AKAP9: variants seen among roughly 807,000 people sequenced by gnomAD.
AKAP9 encodes A-kinase anchoring protein 9.
AKAP9 carries 311 observed loss-of-function variants against 488.5 expected under a neutral mutation model. The ratio of observed to expected loss-of-function variants is 0.64; its 90% CI spans 0.58 to 0.70. AKAP9 has a LOEUF of 0.70. Ranked by LOEUF, AKAP9 falls within the 30% of genes least tolerant of loss-of-function variation. The probability of loss-of-function intolerance (pLI) is 0.00; values close to 1 mark genes in which losing one functional copy is unlikely to be tolerated. For missense variants in AKAP9, 4,215 were observed against 4,374.5 expected, an observed-to-expected ratio of 0.96 and a Z score of 1.03; for synonymous variants, 1,462 against 1,483.5, an observed-to-expected ratio of 0.99 and a Z score of 0.33.
chr7:91,954,725 C>T (rs1470489070), intron 1 of AKAP9, among the ~76,000 whole-genome samples: 1 of 152,154 alleles, frequency 6.6e-6, no homozygotes, highest in Non-Finnish European at 1.5e-5. Context: ...TTGATGCCTA[C>T]ATTACATCCC....
chr7:91,970,513 G>C (rs757785290), intron 1 of AKAP9: 2 of 456,208 alleles, frequency 4.4e-6, no homozygotes, highest in South Asian at 3.1e-5. Context: ...AGACAGGTAT[G>C]TGTTAGTGAA....
At chr7:91,993,127 T>A in intron 5 of AKAP9, 72 bp downstream of exon 5, 7 of 1,517,324 alleles carry the variant, frequency 4.6e-6, no homozygotes, top group Non-Finnish European at 6.3e-6. Context: ...ATAATAGTAG[T>A]CTTTAAAGAT....
chr7:91,976,074 C>T (rs1329348101), intron 2 of AKAP9, among the ~76,000 whole-genome samples: 2 of 151,464 alleles, frequency 1.3e-5, no homozygotes, highest in African/African-American at 4.8e-5. Flanking sequence ...GATTGTGAGC[C>T]ATCACGCCCA....
intron 16 of AKAP9, among the ~76,000 whole-genome samples, chr7:92,037,490 C>T (rs1387264011): frequency 6.6e-6 from 1 of 152,158 alleles, no homozygotes; most frequent in African/African-American, 2.4e-5. Context: ...TTATTACAGC[C>T]AGCCTTCTTT....
intron 37 of AKAP9, 65 bp downstream of exon 37, chr7:92,086,481 G>C: frequency 7.4e-7 from 1 of 1,345,162 alleles, no homozygotes; most frequent in South Asian, 1.2e-5. Flanking sequence ...TGATTTTAGA[G>C]TCTTAATTTA....
chr7:92,031,698 T>A, intron 16 of AKAP9, 94 bp downstream of exon 16: 1 of 967,682 alleles, frequency 1.0e-6, no homozygotes, highest in African/African-American at 1.6e-5. Flanking sequence ...ATGTACTTTA[T>A]AAGTTTCATA....
At chr7:92,055,626 C>A (rs1027786845) in intron 22 of AKAP9, among the ~76,000 whole-genome samples, 11 of 151,858 alleles carry the variant, frequency 7.2e-5, no homozygotes, top group African/African-American at 2.7e-4. Context: ...TGAAACCTGG[C>A]GATAATAAGC....
intron 3 of AKAP9, among the ~76,000 whole-genome samples, chr7:91,991,630 C>T (rs895946928): frequency 2.0e-5 from 3 of 152,080 alleles, no homozygotes; most frequent in Non-Finnish European, 4.4e-5. Flanking sequence ...CGCCACCACA[C>T]CCGGCTAATT....
intron 16 of AKAP9, 123 bp downstream of exon 16, chr7:92,031,727 G>A: frequency 1.3e-6 from 1 of 746,192 alleles, no homozygotes; most frequent in Non-Finnish European, 2.3e-6. Context: ...ATCTTTAAGT[G>A]ATTGGATAAT....
intron 39 of AKAP9, among the ~76,000 whole-genome samples, chr7:92,094,556 C>T (rs183300331): frequency 7.7e-4 from 117 of 151,400 alleles, no homozygotes; most frequent in Non-Finnish European, 6.5e-4. Flanking sequence ...AAAAGAGGGC[C>T]GGGCGCGGTG....
rs1813774694 is a variant in AKAP9, at chr7:92,082,577, A to G, written c.8075A>G (p.Glu2692Gly). ...GAAAGTGGATTTTTTAATGAACTCGAGGCTCTTAGAGCTGAATCAGTGGCT... is the reference window on the plus strand; with the variant it reads ...GAAAGTGGATTTTTTAATGAACTCGGGGCTCTTAGAGCTGAATCAGTGGCT... ...NEESGFFNEL[E>G]ALRAESVATK... is the part of the protein sequence containing the mutation. Residue 2692 changes from glutamate (E) to glycine (G), a missense_variant, in exon 32 of 50, where the codon GAG becomes GGG. Glu to Gly is a moderately conservative substitution (Grantham distance 98). Around this residue, in one of 5 missense-constraint regions of AKAP9, gnomAD observed 1,476 missense variants for 1,477.4 expected, o/e 1.00. Coordinates refer to ENST00000356239, the MANE Select transcript of AKAP9 (RefSeq NM_005751.5). The G allele has an allele frequency of 6.2e-7, 1 of 1,613,856 alleles. No individual in the cohort carries two copies. The highest frequency in any genetic ancestry group is 8.5e-7 in the Non-Finnish European group (1 of 1,179,906).
At chr7:92,061,562 T>C (rs1317819156) in intron 23 of AKAP9, 140 bp downstream of exon 23, 1 of 523,634 alleles carries the variant, frequency 1.9e-6, no homozygotes, top group Non-Finnish European at 3.2e-6. Context: ...ATCTTCAGAG[T>C]TCCTCCAAGC....
intron 12 of AKAP9, among the ~76,000 whole-genome samples, chr7:92,017,992 A>T (rs571257289): frequency 1.3e-5 from 2 of 152,280 alleles, no homozygotes; most frequent in Non-Finnish European, 2.9e-5. Flanking sequence ...TAATTGAGTA[A>T]TGGAAAGGGA....
intron 1 of AKAP9, among the ~76,000 whole-genome samples, chr7:91,941,793 C>CT (rs1790788746): frequency 6.6e-6 from 1 of 152,104 alleles, no homozygotes; most frequent in African/African-American, 2.4e-5. Context: ...AATGGAACTT[C>CT]TGAGGACCGA....
At chr7:91,979,963 G>A (rs1377138523) in intron 2 of AKAP9, among the ~76,000 whole-genome samples, 2 of 152,138 alleles carry the variant, frequency 1.3e-5, no homozygotes, top group Non-Finnish European at 2.9e-5. Context: ...GGATAAAGAG[G>A]GGGCTACTGT....
At chr7:91,959,633 G>A (rs1793488041) in intron 1 of AKAP9, among the ~76,000 whole-genome samples, 1 of 152,160 alleles carries the variant, frequency 6.6e-6, no homozygotes, top group Non-Finnish European at 1.5e-5. Flanking sequence ...GGCAGGCAGT[G>A]AAATTGTGTT....
Position 91,992,884 on chromosome 7 carries a change from G to C in AKAP9, c.406-1G>C. On this transcript the variant is annotated splice_acceptor_variant, in intron 4 of 49. Coordinates refer to ENST00000356239, the MANE Select transcript of AKAP9 (RefSeq NM_005751.5). LOFTEE classifies it high-confidence loss of function. ...TTCTTTAAAATCTTGGATTGATTTA[G>C]GAAGAAGAATTTGGTGTTGATGATT... 1 of 1,613,386 alleles carries C rather than the reference G, an allele frequency of 6.2e-7. No individual in the cohort carries two copies. Among genetic ancestry groups the C allele is most frequent in the Non-Finnish European group, 8.5e-7 (1 of 1,179,528 alleles).
chr7:92,030,059 G>A, intron 15 of AKAP9, 68 bp downstream of exon 15: 3 of 1,081,700 alleles, frequency 2.8e-6, no homozygotes, highest in Non-Finnish European at 4.1e-6. Context: ...TTTTATGTCT[G>A]GTTTACTATC....
At chr7:92,061,209 A>G in intron 22 of AKAP9, 51 bp from the exon 23 acceptor site, 1 of 1,594,116 alleles carries the variant, frequency 6.3e-7, no homozygotes, top group African/African-American at 1.3e-5. Context: ...GAATGAAACT[A>G]GTATTTCCAC....
Sources: gnomAD v4.1 joint callset for allele counts (sites outside exome capture counted in the v4.1 genomes callset) on GRCh38, gnomAD v4.1.1 for gene constraint, gnomAD v4.1.1 regional missense constraint, MANE v1.5 for transcripts, NCBI Gene and HGNC (gene_info 2026-07-23, HGNC 2026-07-21) for gene names.